The following UNC13C variants were observed in gnomAD, a reference collection of about 807,000 sequenced individuals.
UNC13C encodes protein unc-13 homolog C.
UNC13C carries 174 observed loss-of-function variants against 245.4 expected under a neutral mutation model. The observed-to-expected ratio is 0.71, with a 90% CI of 0.63 to 0.80. The LOEUF (loss-of-function observed/expected upper bound fraction) is 0.80. Ranked by LOEUF, UNC13C falls within the 30% of genes least tolerant of loss-of-function variation. The pLI is 0.00. For missense variants in UNC13C, 2,829 were observed against 2,602.9 expected (o/e 1.09, Z -1.89); for synonymous variants, 992 against 895.1 (o/e 1.11, Z -1.93).
intron 4 of UNC13C, among the ~76,000 whole-genome samples, chr15:54,212,051 C>T (rs1317354263): frequency 6.6e-6 from 1 of 152,028 alleles, no homozygotes; most frequent in Non-Finnish European, 1.5e-5. Context: ...GGCTAAGTGA[C>T]CAAGTTATGA....
chr15:54,606,559 T>G (rs1397842295), intron 30 of UNC13C, among the ~76,000 whole-genome samples: 6 of 152,186 alleles, frequency 3.9e-5, no homozygotes, highest in African/African-American at 1.4e-4. Context: ...TCAGAGCAAG[T>G]ACGCATTAGA....
intron 1 of UNC13C, among the ~76,000 whole-genome samples, chr15:53,990,286 G>A (rs776154149): frequency 6.6e-6 from 1 of 151,884 alleles, no homozygotes; most frequent in Non-Finnish European, 1.5e-5. Context: ...TGTATCAATG[G>A]GATCATCGAT....
intron 10 of UNC13C, among the ~76,000 whole-genome samples, chr15:54,269,627 G>A (rs1194227312): frequency 6.6e-6 from 1 of 152,066 alleles, no homozygotes; most frequent in Admixed American, 6.5e-5. Flanking sequence ...GTGACAATTC[G>A]CAGTGCTCAT....
At chr15:54,416,843 C>G in intron 19 of UNC13C, 1 of 452,480 alleles carries the variant, frequency 2.2e-6, no homozygotes, top group Non-Finnish European at 4.4e-6. Context: ...GCTACTTAAG[C>G]ACTTACGGGT....
chr15:53,874,614 C>G, the UNC13C span, among the ~76,000 whole-genome samples: 1 of 152,164 alleles, frequency 6.6e-6, no homozygotes, highest in Non-Finnish European at 1.5e-5. Flanking sequence ...AACTTTCTTT[C>G]TTGAAATGCC....
chr15:54,090,253 G>T (rs535922417), intron 2 of UNC13C, among the ~76,000 whole-genome samples: 1 of 151,604 alleles, frequency 6.6e-6, no homozygotes, highest in South Asian at 2.1e-4. Flanking sequence ...TTCAGGTACT[G>T]TTTGAGAAAA....
chr15:54,201,716 G>A (rs1595995051), intron 4 of UNC13C, among the ~76,000 whole-genome samples: 2 of 151,894 alleles, frequency 1.3e-5, no homozygotes, highest in East Asian at 3.9e-4. Flanking sequence ...TATACTAAAT[G>A]GGGAAAAGTT....
At chr15:54,560,373 T>A (rs2141205838) in intron 29 of UNC13C, among the ~76,000 whole-genome samples, 1 of 151,996 alleles carries the variant, frequency 6.6e-6, no homozygotes, top group Admixed American at 6.6e-5. Flanking sequence ...TTATTGGGAT[T>A]ATAAAAAAAT....
chr15:54,182,893 A>G (rs2033848511), intron 4 of UNC13C, among the ~76,000 whole-genome samples: 1 of 152,100 alleles, frequency 6.6e-6, no homozygotes, highest in African/African-American at 2.4e-5. Flanking sequence ...TAACATATGC[A>G]GCAATAAAAT....
the UNC13C span, among the ~76,000 whole-genome samples, chr15:53,944,362 A>G: frequency 6.6e-6 from 1 of 152,020 alleles, no homozygotes; most frequent in Non-Finnish European, 1.5e-5. Context: ...CCCAGGTACT[A>G]GGCCTAGTAC....
chr15:53,873,358 G>A, the UNC13C span, among the ~76,000 whole-genome samples: 20 of 151,948 alleles, frequency 1.3e-4, no homozygotes, highest in Admixed American at 3.3e-4. Context: ...GTAGTACCCC[G>A]CAGCTTGCTC....
At chr15:54,295,357 CAT>C (rs1027712926) in intron 11 of UNC13C, among the ~76,000 whole-genome samples, 26 of 152,202 alleles carry the variant, frequency 1.7e-4, no homozygotes, top group African/African-American at 6.3e-4. Context: ...TTTAACAAAA[CAT>C]ATATGAGTAC....
At chr15:54,112,531 G>C (rs1334588758) in intron 2 of UNC13C, among the ~76,000 whole-genome samples, 1 of 152,172 alleles carries the variant, frequency 6.6e-6, no homozygotes, top group Non-Finnish European at 1.5e-5. Flanking sequence ...CTGTACACAT[G>C]GTTGATAAAA....
chr15:54,527,195 C>G (rs975664230), intron 25 of UNC13C, among the ~76,000 whole-genome samples: 3 of 152,274 alleles, frequency 2.0e-5, no homozygotes, highest in Non-Finnish European at 4.4e-5. Context: ...GTTGGAGAAA[C>G]ATAGATTGTT....
chr15:53,939,658 C>A, the UNC13C span, among the ~76,000 whole-genome samples: 2 of 152,134 alleles, frequency 1.3e-5, no homozygotes, highest in African/African-American at 4.8e-5. Flanking sequence ...TTGGCTTCAT[C>A]CCTGGGATGC....
chr15:53,959,063 C>G, the UNC13C span, among the ~76,000 whole-genome samples: 1 of 152,170 alleles, frequency 6.6e-6, no homozygotes, highest in East Asian at 1.9e-4. Context: ...CTTTCTGTGT[C>G]TCACTTGTGC....
chr15:54,186,553 C>G (rs192617187), intron 4 of UNC13C, among the ~76,000 whole-genome samples: 1 of 149,544 alleles, frequency 6.7e-6, no homozygotes, highest in East Asian at 2.0e-4. Context: ...AATTTCACAT[C>G]ATACAGTATA....
rs1430819206 is a variant in UNC13C, at chr15:54,280,771, TATATATATATACAC to T, written c.3819-13112_3819-13099del. On this transcript the variant is annotated intron_variant, in intron 10 of 32. Transcript: ENST00000260323. ...ACATATATACACATACATACATACA[TATATATATATACAC>T]ATATATATATATATACTTTTTAAAA... Among the ~76,000 whole-genome samples, 7 of 132,126 alleles carry T rather than the reference TATATATATATACAC, an allele frequency of 5.3e-5. No homozygotes were observed. In the South Asian group the frequency reaches 8.9e-4, roughly 17 times the overall value. 86.7% of individuals were successfully genotyped at this position (132,126 alleles called of 152,430 possible). A position where few individuals can be genotyped will look rare whatever the true frequency, so the allele number is the denominator to read the frequency against.
At chr15:53,876,851 A>G in the UNC13C span, among the ~76,000 whole-genome samples, 1 of 152,210 alleles carries the variant, frequency 6.6e-6, no homozygotes, top group Non-Finnish European at 1.5e-5. Context: ...TAAGATAAAG[A>G]AGGCTTTCTA....
Sources: gnomAD v4.1 joint callset for allele counts (sites outside exome capture counted in the v4.1 genomes callset) on GRCh38, gnomAD v4.1.1 for gene constraint, MANE v1.5 for transcripts, NCBI Gene and HGNC (gene_info 2026-07-23, HGNC 2026-07-21) for gene names.